The following MACROD2 variants were observed in gnomAD, a reference collection of about 807,000 sequenced individuals.
MACROD2 encodes ADP-ribose glycohydrolase MACROD2.
Under a neutral mutation model 70.4 loss-of-function variants are expected in MACROD2, and 36 were observed. The observed-to-expected ratio is 0.51, with a 90% CI of 0.39 to 0.68. MACROD2 has a LOEUF of 0.68. Ranked by LOEUF, MACROD2 falls within the 30% of genes least tolerant of loss-of-function variation. The pLI, the probability that MACROD2 is intolerant of heterozygous loss-of-function variation, is 0.00. For missense variants in MACROD2, 496 were observed against 538.4 expected (o/e 0.92, Z 0.78); for synonymous variants, 172 against 178.8 (o/e 0.96, Z 0.30).
At chr20:14,623,525 A>G (rs753141368) in intron 4 of MACROD2, among the ~76,000 whole-genome samples, 15 of 152,182 alleles carry the variant, frequency 9.9e-5, no homozygotes, top group Non-Finnish European at 1.3e-4. Flanking sequence ...ACTATAATAA[A>G]TAGAAATGCC....
At chr20:15,622,705 A>G (rs755766559) in intron 8 of MACROD2, among the ~76,000 whole-genome samples, 2 of 152,152 alleles carry the variant, frequency 1.3e-5, no homozygotes, top group African/African-American at 4.8e-5. Context: ...ACCTCACTTC[A>G]TCTCCTCACG....
chr20:15,046,980 G>A (rs190271676), intron 5 of MACROD2, among the ~76,000 whole-genome samples: 3 of 152,258 alleles, frequency 2.0e-5, no homozygotes, highest in Non-Finnish European at 4.4e-5. Flanking sequence ...CCCTAAAGTA[G>A]AACATATTTC....
chr20:14,930,117 G>A (rs1270513980), intron 5 of MACROD2, among the ~76,000 whole-genome samples: 1 of 136,718 alleles, frequency 7.3e-6, no homozygotes, highest in Non-Finnish European at 1.5e-5. Context: ...AGCCGAGATT[G>A]CGCCACTGCA....
At chr20:14,587,286 T>G (rs1419771029) in intron 4 of MACROD2, among the ~76,000 whole-genome samples, 2 of 151,822 alleles carry the variant, frequency 1.3e-5, no homozygotes, top group Non-Finnish European at 2.9e-5. Context: ...TTTGAATTCT[T>G]TTTGGTTATA....
intron 8 of MACROD2, among the ~76,000 whole-genome samples, chr20:15,756,558 A>C (rs2051350473): frequency 6.6e-6 from 1 of 152,134 alleles, no homozygotes; most frequent in Non-Finnish European, 1.5e-5. Flanking sequence ...AATAGAGAAG[A>C]TTGGTTAGTA....
chr20:14,724,340 T>C (rs904397004), intron 5 of MACROD2, among the ~76,000 whole-genome samples: 13 of 152,108 alleles, frequency 8.5e-5, no homozygotes, highest in African/African-American at 3.1e-4. Context: ...ACCTTTAAAA[T>C]GGGGATAATA....
At chr20:15,294,497 G>A (rs1942242805) in intron 6 of MACROD2, among the ~76,000 whole-genome samples, 3 of 152,214 alleles carry the variant, frequency 2.0e-5, no homozygotes, top group Non-Finnish European at 4.4e-5. Context: ...TTTCTCAAGT[G>A]TAATTCTTCA....
intron 8 of MACROD2, among the ~76,000 whole-genome samples, chr20:15,664,406 AG>A (rs1174482059): frequency 6.6e-6 from 1 of 152,228 alleles, no homozygotes; most frequent in Non-Finnish European, 1.5e-5. Flanking sequence ...TTCTTGTAGT[AG>A]GTAATTGAGA....
intron 3 of MACROD2, among the ~76,000 whole-genome samples, chr20:14,304,156 C>T (rs1230000311): frequency 6.6e-6 from 1 of 152,048 alleles, no homozygotes; most frequent in East Asian, 1.9e-4. Context: ...AGAAAATTTC[C>T]ATTATTTCTA....
chr20:14,532,773 A>G (rs1242416341), intron 4 of MACROD2, among the ~76,000 whole-genome samples: 1 of 152,146 alleles, frequency 6.6e-6, no homozygotes, highest in East Asian at 1.9e-4. Context: ...TACTACATAT[A>G]TTGCTCAGAG....
chr20:15,539,212 A>G (rs1480217305), intron 8 of MACROD2, among the ~76,000 whole-genome samples: 2 of 152,220 alleles, frequency 1.3e-5, no homozygotes, highest in Non-Finnish European at 2.9e-5. Flanking sequence ...TAGGGGCAGC[A>G]TAAAACTCTA....
At chr20:14,938,810 T>C (rs1436972620) in intron 5 of MACROD2, among the ~76,000 whole-genome samples, 1 of 151,868 alleles carries the variant, frequency 6.6e-6, no homozygotes, top group Non-Finnish European at 1.5e-5. Context: ...CAAACAGAAT[T>C]TGTGGTCAGG....
chr20:15,108,328 T>A (rs922209283), intron 5 of MACROD2, among the ~76,000 whole-genome samples: 1 of 152,204 alleles, frequency 6.6e-6, no homozygotes, highest in African/African-American at 2.4e-5. Context: ...TGACAAGCAT[T>A]AATAGAGTAA....
At position 14,466,678 on chromosome 20, in the gene MACROD2, G is replaced by A. The variant is rs1003275405; in HGVS notation, c.272-26801G>A. On this transcript the variant is annotated intron_variant, in intron 3 of 17. Coordinates refer to ENST00000684519, the MANE Select transcript of MACROD2 (RefSeq NM_001351661.2). ...ATCTTTGTGATTTTATCTACCTTTC[G>A]TCTTTGATGATGGTGATGTACAGAT... Among the ~76,000 whole-genome samples, 17 of 151,948 alleles carry A rather than the reference G, an allele frequency of 1.1e-4. 1 individual carries two copies. The highest frequency in any genetic ancestry group is 2.2e-4 in the Non-Finnish European group (15 of 68,012).
chr20:15,434,328 C>CAGGA (rs1397320501), intron 7 of MACROD2, among the ~76,000 whole-genome samples: 2 of 113,898 alleles, frequency 1.8e-5, no homozygotes, highest in Non-Finnish European at 4.3e-5. Context: ...AACATATCAG[C>CAGGA]AAGAAAAAAA....
chr20:14,423,339 T>C (rs1227189915), intron 3 of MACROD2, among the ~76,000 whole-genome samples: 1 of 151,820 alleles, frequency 6.6e-6, no homozygotes, highest in African/African-American at 2.4e-5. Flanking sequence ...TAAAAGTAGG[T>C]TTAGACACTT....
intron 8 of MACROD2, among the ~76,000 whole-genome samples, chr20:15,659,706 T>C (rs1298574211): frequency 6.6e-6 from 1 of 152,134 alleles, no homozygotes; most frequent in African/African-American, 2.4e-5. Flanking sequence ...CTGGGTAATT[T>C]ATAAAGAAAA....
chr20:15,123,522 T>C (rs1328190595), intron 5 of MACROD2, among the ~76,000 whole-genome samples: 3 of 152,194 alleles, frequency 2.0e-5, no homozygotes, highest in Non-Finnish European at 4.4e-5. Context: ...GATTGTCTCA[T>C]TAATCCTTTT....
At chr20:14,807,838 T>C (rs2072658247) in intron 5 of MACROD2, among the ~76,000 whole-genome samples, 1 of 151,922 alleles carries the variant, frequency 6.6e-6, no homozygotes, top group African/African-American at 2.4e-5. Context: ...GAAGAAAGGA[T>C]ATCAGAGATT....
Sources: allele counts gnomAD v4.1 joint callset (sites outside exome capture counted in the v4.1 genomes callset), GRCh38; gene constraint gnomAD v4.1.1; transcripts MANE v1.5; gene names NCBI Gene and HGNC (gene_info 2026-07-23, HGNC 2026-07-21).